Variants in GLIS3 observed in about 807,000 individuals in gnomAD.
The protein encoded by GLIS3 is zinc finger protein GLIS3.
A neutral mutation model predicts 78.6 loss-of-function variants in GLIS3; 53 were observed. The observed-to-expected ratio is 0.67, with a 90% CI of 0.54 to 0.85. The LOEUF (loss-of-function observed/expected upper bound fraction) is 0.85, where lower values mean the gene tolerates loss of function less well. Ranked by LOEUF, GLIS3 falls within the 40% of genes least tolerant of loss-of-function variation. The probability of loss-of-function intolerance (pLI) is 0.00; values close to 1 mark genes in which losing one functional copy is unlikely to be tolerated. For synonymous variants in GLIS3, 684 were observed against 509.9 expected, an observed-to-expected ratio of 1.34 and a Z score of -4.60; for missense variants, 1,703 against 1,231.1, an observed-to-expected ratio of 1.38 and a Z score of -5.74.
intron 1 of GLIS3, among the ~76,000 whole-genome samples, chr9:4,293,879 C>G (rs147168313): frequency 1.3e-3 from 198 of 152,336 alleles, no homozygotes; most frequent in African/African-American, 4.6e-3. Flanking sequence ...GAGATCATGT[C>G]AGACAAGGGT....
intron 8 of GLIS3, among the ~76,000 whole-genome samples, chr9:3,875,850 C>G (rs1186929973): frequency 3.9e-5 from 6 of 152,198 alleles, no homozygotes; most frequent in Non-Finnish European, 8.8e-5. Context: ...TTCATTCTCC[C>G]ATCATATAAA....
the GLIS3 span, among the ~76,000 whole-genome samples, chr9:4,360,752 A>G: frequency 6.6e-6 from 1 of 152,142 alleles, no homozygotes; most frequent in Non-Finnish European, 1.5e-5. Context: ...CCTGACACAG[A>G]GTTGTGTTGA....
intron 4 of GLIS3, among the ~76,000 whole-genome samples, chr9:4,060,515 C>A (rs981988993): frequency 6.6e-6 from 1 of 152,150 alleles, no homozygotes; most frequent in Admixed American, 6.5e-5. Context: ...TGGGTCATGA[C>A]AGCTCTGCCC....
the GLIS3 span, among the ~76,000 whole-genome samples, chr9:4,463,616 A>G: frequency 2.6e-5 from 4 of 152,204 alleles, no homozygotes; most frequent in African/African-American, 7.2e-5. Context: ...GTTTTAGGAG[A>G]ATACACTTAT....
chr9:4,153,568 T>A (rs1834840423), intron 2 of GLIS3, among the ~76,000 whole-genome samples: 4 of 151,984 alleles, frequency 2.6e-5, no homozygotes, highest in African/African-American at 9.7e-5. Context: ...TGTCTCAAAA[T>A]ATATATATAT....
At chr9:4,366,581 A>T in the GLIS3 span, among the ~76,000 whole-genome samples, 1 of 152,192 alleles carries the variant, frequency 6.6e-6, no homozygotes, top group African/African-American at 2.4e-5. Context: ...AAAACCATGA[A>T]CCTTCCTTCA....
chr9:4,037,618 T>C (rs1824446112), intron 4 of GLIS3, among the ~76,000 whole-genome samples: 1 of 149,904 alleles, frequency 6.7e-6, no homozygotes, highest in Admixed American at 6.6e-5. Flanking sequence ...TTTCACAGGC[T>C]CAGGCATTAT....
chr9:3,991,718 T>C (rs1820274105), intron 4 of GLIS3, among the ~76,000 whole-genome samples: 1 of 135,278 alleles, frequency 7.4e-6, no homozygotes, highest in Non-Finnish European at 1.5e-5. Flanking sequence ...TGAGACGGAG[T>C]CTCACTCTGT....
Position 4,257,017 on chromosome 9 carries a change from A to G in GLIS3, c.388+29021T>C, listed in dbSNP as rs917599279. 4.6e-5 allele frequency among the ~76,000 whole-genome samples: 7 copies of G among 152,298 alleles called. No homozygotes were observed. In the East Asian group the frequency reaches 1.2e-3, roughly 25 times the overall value. On this transcript the variant is annotated intron_variant, in intron 2 of 10. Coordinates refer to ENST00000381971, the MANE Select transcript of GLIS3 (RefSeq NM_001042413.2). ...ACATATTAACACATATATAGTACATATATGTGTTAATATTAATGTACATAT... is the reference window on the plus strand; with the variant it reads ...ACATATTAACACATATATAGTACATGTATGTGTTAATATTAATGTACATAT...
intron 2 of GLIS3, among the ~76,000 whole-genome samples, chr9:4,284,848 G>A (rs1020111847): frequency 9.2e-5 from 14 of 152,160 alleles, no homozygotes; most frequent in Admixed American, 7.9e-4. Flanking sequence ...AACCCAGGAG[G>A]ATGAGGCTGC....
intron 2 of GLIS3, among the ~76,000 whole-genome samples, chr9:4,258,367 T>C (rs1445170278): frequency 2.6e-5 from 4 of 152,182 alleles, no homozygotes; most frequent in African/African-American, 9.7e-5. Flanking sequence ...ATAAATGTAA[T>C]ATAAGGTAAT....
intron 4 of GLIS3, among the ~76,000 whole-genome samples, chr9:4,011,212 C>T (rs141508055): frequency 5.9e-5 from 9 of 152,078 alleles, no homozygotes; most frequent in South Asian, 2.1e-4. Flanking sequence ...ATAACGTGTG[C>T]GCAGAGTACA....
chr9:3,902,310 G>C (rs1456926210), intron 6 of GLIS3, among the ~76,000 whole-genome samples: 1 of 152,160 alleles, frequency 6.6e-6, no homozygotes, highest in Non-Finnish European at 1.5e-5. Context: ...GTCCCTCACA[G>C]ATCTTCAGAC....
Position 4,022,323 on chromosome 9 carries a change from T to A in GLIS3, c.1711-85134A>T, listed in dbSNP as rs78826802. Among the ~76,000 whole-genome samples, 1,244 of 152,322 alleles carry A rather than the reference T, an allele frequency of 8.2e-3. 12 individuals carry two copies. Among genetic ancestry groups the A allele is most frequent in the Non-Finnish European group, 0.011 (722 of 68,030 alleles). ...CCTTGATGATTATAATTCACTCCAT[T>A]CATATTTTAGGTTTTCCCCCTTTTT... is the stretch of plus-strand genomic sequence containing the variant. On this transcript the variant is annotated intron_variant, in intron 4 of 10. Transcript: ENST00000381971.
chr9:4,361,254 G>A, the GLIS3 span, among the ~76,000 whole-genome samples: 1 of 152,200 alleles, frequency 6.6e-6, no homozygotes, highest in African/African-American at 2.4e-5. Context: ...ATGTAAGGCA[G>A]TACCAAAGAC....
At chr9:3,972,795 A>T (rs966960651) in intron 4 of GLIS3, among the ~76,000 whole-genome samples, 5 of 152,174 alleles carry the variant, frequency 3.3e-5, no homozygotes, top group South Asian at 4.1e-4. Context: ...AAGTTGTTTT[A>T]AAAAATGATT....
At chr9:3,926,661 A>T (rs1254290527) in intron 6 of GLIS3, among the ~76,000 whole-genome samples, 2 of 149,980 alleles carry the variant, frequency 1.3e-5, no homozygotes, top group African/African-American at 4.9e-5. Flanking sequence ...TCTGTCACCC[A>T]GGCTGGAGTG....
At chr9:4,167,000 T>C (rs548798746) in intron 2 of GLIS3, among the ~76,000 whole-genome samples, 1 of 152,282 alleles carries the variant, frequency 6.6e-6, no homozygotes, top group East Asian at 1.9e-4. Flanking sequence ...AGTGTGAGGG[T>C]CAGGAGAAGG....
intron 9 of GLIS3, among the ~76,000 whole-genome samples, chr9:3,853,858 T>C (rs1037241563): frequency 5.9e-5 from 9 of 152,218 alleles, no homozygotes; most frequent in African/African-American, 2.2e-4. Context: ...TTTTTAAAAA[T>C]GTGTTTCACA....
Sources: gnomAD v4.1 joint callset for allele counts (sites outside exome capture counted in the v4.1 genomes callset) on GRCh38, gnomAD v4.1.1 for gene constraint, MANE v1.5 for transcripts, NCBI Gene and HGNC (gene_info 2026-07-23, HGNC 2026-07-21) for gene names.